Variants in ANKS1B observed in about 807,000 individuals in gnomAD.
ANKS1B encodes the protein ankyrin repeat and sterile alpha motif domain containing 1B.
A neutral mutation model predicts 148.3 loss-of-function variants in ANKS1B; 36 were observed. The observed-to-expected ratio is 0.24, with a 90% CI of 0.19 to 0.32. The LOEUF (loss-of-function observed/expected upper bound fraction) is 0.32, where lower values mean the gene tolerates loss of function less well. ANKS1B is among the 10% of genes least tolerant of loss of function. The pLI is 1.00. For synonymous variants in ANKS1B, 542 were observed against 560.8 expected (o/e 0.97, Z 0.47); for missense variants, 1,157 against 1,542.6 (o/e 0.75, Z 4.19).
rs1404544069 is a variant in ANKS1B at position 98,803,904 on chromosome 12, G to A, written c.3142-2779C>T. 2.0e-5 allele frequency among the ~76,000 whole-genome samples: 3 copies of A among 152,018 alleles called. No homozygotes were observed. In the East Asian group the frequency reaches 5.8e-4, roughly 29 times the overall value. On this transcript the variant is annotated intron_variant, in intron 20 of 26. Transcript: ENST00000683438. Reference sequence around the variant, plus strand: ...GCCAAATGCTGATCCAAATATTTACGTCATCCACATAAGTTGTAGCAGCCA... The same window carrying A: ...GCCAAATGCTGATCCAAATATTTACATCATCCACATAAGTTGTAGCAGCCA...
intron 9 of ANKS1B, among the ~76,000 whole-genome samples, chr12:99,582,143 T>C (rs1245516430): frequency 1.3e-5 from 2 of 151,718 alleles, no homozygotes; most frequent in Non-Finnish European, 2.9e-5. Flanking sequence ...GAAATGCAAA[T>C]AACATACCAG....
intron 17 of ANKS1B, among the ~76,000 whole-genome samples, chr12:98,841,202 TAAAGG>T (rs981129295): frequency 6.6e-6 from 1 of 152,172 alleles, no homozygotes; most frequent in Non-Finnish European, 1.5e-5. Flanking sequence ...CTCAGTATTG[TAAAGG>T]AAATTATGGT....
chr12:98,995,623 G>C (rs2099929072), intron 17 of ANKS1B, among the ~76,000 whole-genome samples: 1 of 152,058 alleles, frequency 6.6e-6, no homozygotes, highest in African/African-American at 2.4e-5. Flanking sequence ...GGAGTAAGAG[G>C]AAAAGATTTA....
chr12:99,639,443 A>C (rs1429944232), intron 9 of ANKS1B, among the ~76,000 whole-genome samples: 4 of 152,160 alleles, frequency 2.6e-5, no homozygotes, highest in Admixed American at 1.3e-4. Flanking sequence ...CTGGAAAGGC[A>C]TAATTGATTT....
chr12:99,455,187 C>T (rs2095825564), intron 10 of ANKS1B, among the ~76,000 whole-genome samples: 1 of 152,128 alleles, frequency 6.6e-6, no homozygotes, highest in African/African-American at 2.4e-5. Context: ...TATGTAAACA[C>T]CCAACCTGAC....
chr12:99,604,740 G>A (rs1278959042), intron 9 of ANKS1B, among the ~76,000 whole-genome samples: 3 of 150,830 alleles, frequency 2.0e-5, no homozygotes, highest in Admixed American at 6.6e-5. Flanking sequence ...GTTTGAACCC[G>A]GGAGGTGGAG....
At chr12:99,946,188 G>A (rs2095056628) in intron 1 of ANKS1B, among the ~76,000 whole-genome samples, 1 of 152,136 alleles carries the variant, frequency 6.6e-6, no homozygotes, top group Non-Finnish European at 1.5e-5. Flanking sequence ...GTGGGGAAAG[G>A]AGGAGGAGAG....
chr12:99,279,388 C>A (rs1282275637), intron 12 of ANKS1B, among the ~76,000 whole-genome samples: 4 of 152,080 alleles, frequency 2.6e-5, no homozygotes, highest in Non-Finnish European at 5.9e-5. Context: ...GAGAATTGTA[C>A]AGCCACTCCC....
At chr12:99,673,935 A>G (rs116244612) in intron 8 of ANKS1B, among the ~76,000 whole-genome samples, 1 of 151,776 alleles carries the variant, frequency 6.6e-6, no homozygotes, top group Admixed American at 6.6e-5. Flanking sequence ...TAGTTACAAG[A>G]TTAATATAAA....
intron 8 of ANKS1B, among the ~76,000 whole-genome samples, chr12:99,729,246 G>C (rs532456319): frequency 6.6e-6 from 1 of 152,192 alleles, no homozygotes; most frequent in African/African-American, 2.4e-5. Context: ...GCTAATTTTT[G>C]GCACCTTAAA....
chr12:98,998,875 A>G (rs917746688), intron 17 of ANKS1B, among the ~76,000 whole-genome samples: 5 of 152,232 alleles, frequency 3.3e-5, no homozygotes, highest in African/African-American at 4.8e-5. Flanking sequence ...TGGTTAGAAG[A>G]ACACTAGAAC....
At chr12:99,880,649 C>A (rs1319364386) in intron 1 of ANKS1B, among the ~76,000 whole-genome samples, 1 of 152,148 alleles carries the variant, frequency 6.6e-6, no homozygotes, top group Non-Finnish European at 1.5e-5. Flanking sequence ...GAGTAAAGGA[C>A]ATAAAACATA....
chr12:99,059,058 G>A (rs2041431374), intron 16 of ANKS1B, among the ~76,000 whole-genome samples: 1 of 152,082 alleles, frequency 6.6e-6, no homozygotes, highest in Admixed American at 6.6e-5. Flanking sequence ...TCCTTAAAAG[G>A]TCCTGTTTAA....
intron 19 of ANKS1B, among the ~76,000 whole-genome samples, chr12:98,809,073 C>T (rs1177358442): frequency 6.6e-6 from 1 of 152,200 alleles, no homozygotes. Flanking sequence ...TGCATCTCCA[C>T]ACACCCCTAC....
At chr12:99,258,281 C>A (rs193011669) in intron 12 of ANKS1B, among the ~76,000 whole-genome samples, 1 of 152,056 alleles carries the variant, frequency 6.6e-6, no homozygotes, top group Non-Finnish European at 1.5e-5. Context: ...AAACGAAGAA[C>A]AAGCTTATTT....
intron 9 of ANKS1B, among the ~76,000 whole-genome samples, chr12:99,515,208 C>T (rs2096804795): frequency 1.3e-5 from 2 of 152,066 alleles, no homozygotes; most frequent in South Asian, 4.1e-4. Flanking sequence ...TTAAAATATA[C>T]AATTAAATTG....
chr12:98,847,190 G>A (rs559253373), intron 17 of ANKS1B, among the ~76,000 whole-genome samples: 26 of 152,222 alleles, frequency 1.7e-4, no homozygotes, highest in African/African-American at 5.5e-4. Context: ...GTTAGTTACT[G>A]GAACTATGCT....
Position 98,892,493 on chromosome 12 carries a change from T to C in ANKS1B, c.2779-60357A>G, listed in dbSNP as rs536297488. Among the ~76,000 whole-genome samples the C allele has an allele frequency of 2.0e-5, 3 of 152,204 alleles. No individual in the cohort carries two copies. The South Asian group carries it at 6.2e-4, about 31-fold the overall frequency. ...ACTTTAAACAAATATAGTACCGCTATCTTAAAGGAAGTGATCCCCTAAACA... is the reference window on the plus strand; with the variant it reads ...ACTTTAAACAAATATAGTACCGCTACCTTAAAGGAAGTGATCCCCTAAACA... On this transcript the variant is annotated intron_variant, in intron 17 of 26. Transcript: ENST00000683438.
chr12:99,041,221 G>C (rs2099958736), intron 17 of ANKS1B, among the ~76,000 whole-genome samples: 1 of 152,122 alleles, frequency 6.6e-6, no homozygotes, highest in Non-Finnish European at 1.5e-5. Flanking sequence ...ATTATTCCCT[G>C]TGCTCATCTA....
Sources: gnomAD v4.1 joint callset for allele counts (sites outside exome capture counted in the v4.1 genomes callset) on GRCh38, gnomAD v4.1.1 for gene constraint, MANE v1.5 for transcripts, NCBI Gene and HGNC (gene_info 2026-07-23, HGNC 2026-07-21) for gene names.